Variants in PLPPR5 observed in about 807,000 individuals in gnomAD.
PLPPR5 encodes phospholipid phosphatase related 5.
PLPPR5 carries 16 observed loss-of-function variants against 33.9 expected under a neutral mutation model. That is an observed-to-expected ratio of 0.47 (90% confidence interval 0.32 to 0.72). The LOEUF is 0.72. Ranked by LOEUF, PLPPR5 falls within the 30% of genes least tolerant of loss-of-function variation. The pLI, the probability that PLPPR5 is intolerant of heterozygous loss-of-function variation, is 0.03. For synonymous variants in PLPPR5, 163 were observed against 150.3 expected (o/e 1.08, Z -0.62); for missense variants, 301 against 406.7 (o/e 0.74, Z 2.23).
At chr1:98,930,454 A>C (rs1649923136) in intron 3 of PLPPR5, among the ~76,000 whole-genome samples, 1 of 152,116 alleles carries the variant, frequency 6.6e-6, no homozygotes, top group African/African-American at 2.4e-5. Context: ...AGAACCAGAA[A>C]ATTTTAAATA....
chr1:98,999,421 C>T (rs1263623901), intron 1 of PLPPR5, among the ~76,000 whole-genome samples: 4 of 152,146 alleles, frequency 2.6e-5, no homozygotes, highest in Non-Finnish European at 4.4e-5. Context: ...GGCCTTCAAA[C>T]CCAAGAAGGC....
chr1:98,996,804 CTT>C (rs1290357631), intron 1 of PLPPR5, among the ~76,000 whole-genome samples: 1 of 152,002 alleles, frequency 6.6e-6, no homozygotes, highest in Non-Finnish European at 1.5e-5. Flanking sequence ...TGTAACTAAA[CTT>C]ATATATTAAC....
chr1:98,900,658 T>G (rs1322126982), intron 5 of PLPPR5, among the ~76,000 whole-genome samples: 1 of 152,184 alleles, frequency 6.6e-6, no homozygotes, highest in Non-Finnish European at 1.5e-5. Context: ...TATTTCATTT[T>G]CCTTTAACTT....
At chr1:98,975,925 C>T (rs79436303) in intron 1 of PLPPR5, among the ~76,000 whole-genome samples, 3,215 of 151,874 alleles carry the variant, frequency 0.021, 45 homozygotes, top group African/African-American at 0.035. Context: ...TTGGATCCCA[C>T]GCCTAGCAAG....
At chr1:99,001,671 G>GATACATATAT (rs1247519605) in intron 1 of PLPPR5, among the ~76,000 whole-genome samples, 4 of 102,192 alleles carry the variant, frequency 3.9e-5, no homozygotes, top group East Asian at 3.7e-4. Flanking sequence ...GAAAGTTAAA[G>GATACATATAT]ATATATATAT....
chr1:98,940,613 TCATG>T (rs1364202493), intron 3 of PLPPR5, among the ~76,000 whole-genome samples: 1 of 151,826 alleles, frequency 6.6e-6, no homozygotes, highest in Non-Finnish European at 1.5e-5. Context: ...CGCTTATAAC[TCATG>T]CTTTAGGGGT....
chr1:99,005,209 C>T (rs907788712), upstream of PLPPR5, among the ~76,000 whole-genome samples: 19 of 152,164 alleles, frequency 1.2e-4, no homozygotes, highest in African/African-American at 4.1e-4. Context: ...CTTCCAGAAA[C>T]TCTTCCGAGG....
chr1:98,933,478 G>A (rs1409835423), intron 3 of PLPPR5, among the ~76,000 whole-genome samples: 54 of 103,350 alleles, frequency 5.2e-4, no homozygotes, highest in African/African-American at 8.1e-4. Context: ...GTGAGACTCC[G>A]TCTCAAAAAA....
intron 3 of PLPPR5, among the ~76,000 whole-genome samples, chr1:98,927,404 T>C (rs527653058): frequency 5.3e-5 from 8 of 152,330 alleles, no homozygotes; most frequent in African/African-American, 1.7e-4. Context: ...CACTGCTTCA[T>C]TGGTGCCCTA....
chr1:98,919,114 G>A (rs967565227), intron 4 of PLPPR5, among the ~76,000 whole-genome samples: 7 of 152,196 alleles, frequency 4.6e-5, no homozygotes, highest in Admixed American at 2.0e-4. Context: ...ATAAGGAAAG[G>A]AATCCTCAAG....
At chr1:98,923,515 C>T (rs1649647354) in intron 3 of PLPPR5, among the ~76,000 whole-genome samples, 1 of 151,794 alleles carries the variant, frequency 6.6e-6, no homozygotes, top group African/African-American at 2.4e-5. Context: ...CAGTAATTAT[C>T]TTCTCTATTT....
At chr1:98,967,659 T>C (rs758661487) in intron 1 of PLPPR5, among the ~76,000 whole-genome samples, 4 of 152,182 alleles carry the variant, frequency 2.6e-5, no homozygotes, top group African/African-American at 4.8e-5. Flanking sequence ...AATGTTATCA[T>C]ACAAAATGGA....
intron 5 of PLPPR5, among the ~76,000 whole-genome samples, chr1:98,897,336 C>A (rs527679256): frequency 2.6e-5 from 4 of 152,302 alleles, no homozygotes; most frequent in Non-Finnish European, 4.4e-5. Flanking sequence ...CTTTAAAGGA[C>A]CTTTCCTGTG....
chr1:98,941,223 A>G (rs751657973), intron 3 of PLPPR5, among the ~76,000 whole-genome samples: 11 of 151,964 alleles, frequency 7.2e-5, no homozygotes, highest in Admixed American at 3.3e-4. Context: ...ATGAGAAGAA[A>G]AGCAAATTTG....
chr1:98,914,334 G>A (rs113804411), intron 5 of PLPPR5, among the ~76,000 whole-genome samples: 2,686 of 152,222 alleles, frequency 0.018, 87 homozygotes, highest in African/African-American at 0.061. Context: ...TGCGTAAGCT[G>A]GACTGCAGTG....
intron 2 of PLPPR5, among the ~76,000 whole-genome samples, chr1:98,953,971 G>A (rs546951399): frequency 5.3e-4 from 80 of 152,168 alleles, no homozygotes; most frequent in Admixed American, 1.9e-3. Context: ...ATATGGACTG[G>A]CTTCCAATTG....
intron 5 of PLPPR5, among the ~76,000 whole-genome samples, chr1:98,912,489 C>T (rs1053367156): frequency 1.3e-5 from 2 of 152,096 alleles, no homozygotes; most frequent in African/African-American, 2.4e-5. Context: ...TTACCTTTTT[C>T]ATTTGGTGAG....
intron 1 of PLPPR5, among the ~76,000 whole-genome samples, chr1:98,985,447 T>G (rs1652222298): frequency 6.6e-6 from 1 of 152,080 alleles, no homozygotes; most frequent in African/African-American, 2.4e-5. Flanking sequence ...TATACCATCA[T>G]AACATTGTAG....
intron 1 of PLPPR5, among the ~76,000 whole-genome samples, chr1:98,983,975 T>C (rs1365318895): frequency 1.3e-5 from 2 of 151,196 alleles, no homozygotes; most frequent in African/African-American, 4.9e-5. Context: ...TCACATGTAA[T>C]TTGAATTCTA....
Sources: gnomAD v4.1 joint callset for allele counts (sites outside exome capture counted in the v4.1 genomes callset) on GRCh38, gnomAD v4.1.1 for gene constraint, MANE v1.5 for transcripts, NCBI Gene and HGNC (gene_info 2026-07-23, HGNC 2026-07-21) for gene names.